Variants in DNM3 observed in about 807,000 individuals in gnomAD.
The protein encoded by DNM3 is dynamin-3.
A neutral mutation model predicts 101.6 loss-of-function variants in DNM3; 47 were observed. The observed-to-expected ratio is 0.46, with a 90% CI of 0.37 to 0.59. The LOEUF is 0.59. Ranked by LOEUF, DNM3 falls within the 20% of genes least tolerant of loss-of-function variation. The pLI, the probability that DNM3 is intolerant of heterozygous loss-of-function variation, is 0.00. For missense variants in DNM3, 849 were observed against 1,085.7 expected, an observed-to-expected ratio of 0.78 and a Z score of 3.06; for synonymous variants, 385 against 387.9, an observed-to-expected ratio of 0.99 and a Z score of 0.09.
At chr1:171,935,739 T>G (rs2125387525) in intron 2 of DNM3, among the ~76,000 whole-genome samples, 1 of 147,332 alleles carries the variant, frequency 6.8e-6, no homozygotes, top group East Asian at 2.0e-4. Flanking sequence ...TATTTACACT[T>G]CAGAAATTGG....
rs114300766 is a variant in DNM3, at chr1:172,158,794, C to T, written c.1659+27506C>T. Among the ~76,000 whole-genome samples the T allele has an allele frequency of 7.0e-3, 1,059 of 151,954 alleles. 7 individuals carry two copies. Among genetic ancestry groups the T allele is most frequent in the Non-Finnish European group, 0.011 (734 of 67,930 alleles). ...GTAAAATAGAGAAAAAGTTTTGATACTTAAAAAAAGTGTTTACTATTAAAT... is the reference window on the plus strand; with the variant it reads ...GTAAAATAGAGAAAAAGTTTTGATATTTAAAAAAAGTGTTTACTATTAAAT... On this transcript the variant is annotated intron_variant, in intron 14 of 20. Coordinates refer to ENST00000627582, the MANE Select transcript of DNM3 (RefSeq NM_015569.5).
rs979575589 is a variant in DNM3, at chr1:172,105,834, A to G, written c.1545+12959A>G. Among the ~76,000 whole-genome samples, 40 of 152,122 alleles carry G rather than the reference A, an allele frequency of 2.6e-4. 1 individual carries two copies. Among genetic ancestry groups the G allele is most frequent in the Admixed American group, 2.0e-4 (3 of 15,278 alleles). ...AATAACTGGAAATACTCATGTTGTA[A>G]TTTTAAATAGGATTTTTCAATTATA... On this transcript the variant is annotated intron_variant, in intron 13 of 20. Coordinates refer to ENST00000627582, the MANE Select transcript of DNM3 (RefSeq NM_015569.5).
chr1:172,298,023 G>A lies in DNM3; in HGVS notation c.1770-10705G>A, dbSNP rs140435164. Among the ~76,000 whole-genome samples the A allele has an allele frequency of 4.8e-3, 731 of 151,818 alleles. 4 individuals carry two copies. Among genetic ancestry groups the A allele is most frequent in the African/African-American group, 0.017 (690 of 41,378 alleles). Reference sequence around the variant, plus strand: ...CTTTTATATTTTTCCACTTCTATTAGATCTTCAAAGCTGCTAATTCTAGTC... The same window carrying A: ...CTTTTATATTTTTCCACTTCTATTAAATCTTCAAAGCTGCTAATTCTAGTC... On this transcript the variant is annotated intron_variant, in intron 15 of 20. Coordinates refer to ENST00000627582, the MANE Select transcript of DNM3 (RefSeq NM_015569.5).
intron 15 of DNM3, chr1:172,289,746 G>T: frequency 1.0e-6 from 1 of 984,916 alleles, no homozygotes; most frequent in Non-Finnish European, 1.2e-6. Context: ...TCAATACTGT[G>T]TGTAAGGTTG....
In DNM3 at chr1:172,325,319, C is replaced by T. The variant is rs149694849; in HGVS notation, c.1893+1979C>T. Reference sequence around the variant, plus strand: ...TGCTATGAGGACAGCTTTGGGTGCTCCTTAGAGGGCGAGTGTTAGTTGAAG... The same window carrying T: ...TGCTATGAGGACAGCTTTGGGTGCTTCTTAGAGGGCGAGTGTTAGTTGAAG... On this transcript the variant is annotated intron_variant, in intron 17 of 20. Transcript: ENST00000627582. Among the ~76,000 whole-genome samples the T allele has an allele frequency of 4.2e-3, 640 of 152,174 alleles. 4 individuals are homozygous for T. The highest frequency in any genetic ancestry group is 0.015 in the African/African-American group (607 of 41,508).
rs553429989 is a variant in DNM3 at position 172,359,171 on chromosome 1, G to A, written c.1894-19847G>A. ...ACACACACACACACACATTTAATCAGCATCAAGTAGTGCAGTTTCCTTTCT... is the reference window on the plus strand; with the variant it reads ...ACACACACACACACACATTTAATCAACATCAAGTAGTGCAGTTTCCTTTCT... On this transcript the variant is annotated intron_variant, in intron 17 of 20. Transcript: ENST00000627582. Among the ~76,000 whole-genome samples, 327 of 115,266 alleles carry A rather than the reference G, an allele frequency of 2.8e-3. 1 individual carries two copies. Among genetic ancestry groups the A allele is most frequent in the African/African-American group, 8.4e-3 (303 of 35,872 alleles). The allele number at this position is 115,266 out of a possible 152,430, so 75.6% of individuals were successfully genotyped here.
chr1:172,042,248 T>A, intron 8 of DNM3, 104 bp downstream of exon 8: 2 of 1,116,244 alleles, frequency 1.8e-6, no homozygotes, highest in South Asian at 5.7e-5. Flanking sequence ...CTAACATAGT[T>A]CTTTGAACAA....
chr1:172,395,552 T>TTCA (rs769255212), intron 20 of DNM3, among the ~76,000 whole-genome samples: 33 of 152,222 alleles, frequency 2.2e-4, no homozygotes, highest in Non-Finnish European at 7.3e-5. Flanking sequence ...ATGTAAATGC[T>TTCA]TCATCTTTCA....
intron 17 of DNM3, among the ~76,000 whole-genome samples, chr1:172,336,716 A>AG (rs896436798): frequency 8.1e-5 from 12 of 148,716 alleles, no homozygotes; most frequent in African/African-American, 2.4e-4. Flanking sequence ...AAAAAAAAAA[A>AG]GTCCCTCCTC....
At position 172,033,226 on chromosome 1, in the gene DNM3, C is replaced by A. The variant is rs2125804099; in HGVS notation, c.810C>A (p.Asp270Glu). 1.2e-6 allele frequency: 2 copies of A among 1,606,200 alleles called. No individual in the cohort carries two copies. Among genetic ancestry groups the A allele is most frequent in the South Asian group, 2.2e-5 (2 of 89,340 alleles). Residue 270 changes from aspartate (D) to glutamate (E), a missense_variant, in exon 6 of 21, where the codon GAC becomes GAA. Asp to Glu is a conservative substitution (Grantham distance 45). Transcript: ENST00000627582. ...ACCCGGCTTACAGACATATCGCTGA[C>A]CGAATGGGAACCCCACACCTGCAGA... The part of the protein sequence containing the change: ...LSHPAYRHIA[D>E]RMGTPHLQKV...
At chr1:172,292,434 A>G (rs1049638924) in intron 15 of DNM3, among the ~76,000 whole-genome samples, 7 of 152,350 alleles carry the variant, frequency 4.6e-5, no homozygotes, top group Middle Eastern at 6.8e-3. Flanking sequence ...CTTTTCTTGC[A>G]TCTGGAGATT....
At chr1:172,008,137 T>C (rs1342262450) in intron 4 of DNM3, among the ~76,000 whole-genome samples, 1 of 151,848 alleles carries the variant, frequency 6.6e-6, no homozygotes, top group African/African-American at 2.4e-5. Flanking sequence ...TGCAAATTTT[T>C]TTTTTCTATT....
intron 2 of DNM3, among the ~76,000 whole-genome samples, chr1:171,945,211 T>C (rs1435963142): frequency 6.6e-6 from 1 of 152,052 alleles, no homozygotes; most frequent in Non-Finnish European, 1.5e-5. Flanking sequence ...TCCTACATCA[T>C]TGCATTTTTT....
At chr1:171,846,006 T>A (rs1396400840) in intron 1 of DNM3, among the ~76,000 whole-genome samples, 2 of 152,212 alleles carry the variant, frequency 1.3e-5, no homozygotes, top group Non-Finnish European at 2.9e-5. Context: ...AAAGTGATTA[T>A]GCTGATATTT....
rs532456902 is a variant in DNM3 at position 172,189,042 on chromosome 1, T to G, written c.1659+57754T>G. Among the ~76,000 whole-genome samples the G allele has an allele frequency of 3.9e-5, 6 of 152,220 alleles. No individual in the cohort carries two copies. In the East Asian group the frequency reaches 1.2e-3, roughly 29 times the overall value. Reference sequence around the variant, plus strand: ...ATTTTGAATTAATTTTTGTAAAAAGTGTGAGGTCACTGTGTACATGCAGTT... The same window carrying G: ...ATTTTGAATTAATTTTTGTAAAAAGGGTGAGGTCACTGTGTACATGCAGTT... On this transcript the variant is annotated intron_variant, in intron 14 of 20. Transcript: ENST00000627582.
rs79713171 is a variant in DNM3, at chr1:171,998,085, T to A, written c.589+8937T>A. ...AAGTTGATCACTGTCAAGCAGCTGG[T>A]AAGAGGCTGATGCATGATAAAAGTG... On this transcript the variant is annotated intron_variant, in intron 4 of 20. Coordinates refer to ENST00000627582, the MANE Select transcript of DNM3 (RefSeq NM_015569.5). 1.1e-3 allele frequency among the ~76,000 whole-genome samples: 165 copies of A among 152,236 alleles called. 2 individuals carry two copies. The East Asian group carries it at 0.031, about 28-fold the overall frequency.
intron 2 of DNM3, among the ~76,000 whole-genome samples, chr1:171,985,057 G>A (rs1001189239): frequency 1.3e-5 from 2 of 152,000 alleles, no homozygotes; most frequent in Non-Finnish European, 2.9e-5. Flanking sequence ...AAAGCAAGTA[G>A]GTGCCATCTA....
At chr1:171,895,999 T>G (rs13374414) in intron 1 of DNM3, among the ~76,000 whole-genome samples, 86,956 of 151,814 alleles carry the variant, frequency 0.57, 25,024 homozygotes, top group East Asian at 0.68. Context: ...TTGATCTATA[T>G]CTCTGTTTTG....
At chr1:171,949,334 G>A (rs2042356494) in intron 2 of DNM3, among the ~76,000 whole-genome samples, 1 of 152,118 alleles carries the variant, frequency 6.6e-6, no homozygotes, top group South Asian at 2.1e-4. Context: ...ATAAGAAGGG[G>A]TAGCAAATAA....
Sources: allele counts gnomAD v4.1 joint callset (sites outside exome capture counted in the v4.1 genomes callset), GRCh38; gene constraint gnomAD v4.1.1; transcripts MANE v1.5; gene names NCBI Gene and HGNC (gene_info 2026-07-23, HGNC 2026-07-21).